ZZEF1: variants seen among roughly 807,000 people sequenced by gnomAD.
ZZEF1 encodes the protein zinc finger ZZ-type and EF-hand domain containing 1.
ZZEF1 carries 157 observed loss-of-function variants against 342.8 expected under a neutral mutation model. The ratio of observed to expected loss-of-function variants is 0.46; its 90% CI spans 0.40 to 0.52. The LOEUF is 0.52. Among genes scored for constraint, ZZEF1 ranks in the 20% least tolerant of loss-of-function variants. The pLI is 0.00. For synonymous variants in ZZEF1, 1,505 were observed against 1,429.1 expected (o/e 1.05, Z -1.20); for missense variants, 3,480 against 3,725.6 (o/e 0.93, Z 1.72).
intron 1 of ZZEF1, among the ~76,000 whole-genome samples, chr17:4,132,821 C>G (rs1033294919): frequency 6.6e-6 from 1 of 150,824 alleles, no homozygotes; most frequent in Non-Finnish European, 1.5e-5. Context: ...AAAAAATTAG[C>G]CGGGTGTGGT....
chr17:4,104,954 C>A (rs192794027), intron 7 of ZZEF1, 143 bp from the exon 8 acceptor site: 15 of 688,912 alleles, frequency 2.2e-5, no homozygotes, highest in East Asian at 1.1e-4. Flanking sequence ...TTTTCAAAAT[C>A]CTTAAGGTAA....
rs12939226 is a variant in ZZEF1 at position 4,090,129 on chromosome 17, G to C, written c.2025+590C>G. Among the ~76,000 whole-genome samples the C allele has an allele frequency of 0.034, 44 of 1,312 alleles. 19 individuals carry two copies. In the Non-Finnish European group the frequency reaches 0.68, roughly 20 times the overall value. 0.9% of individuals were successfully genotyped at this position (1,312 alleles called of 152,430 possible). A position where few individuals can be genotyped will look rare whatever the true frequency, so the allele number is the denominator to read the frequency against. On this transcript the variant is annotated intron_variant, in intron 12 of 54. Coordinates refer to ENST00000381638, the MANE Select transcript of ZZEF1 (RefSeq NM_015113.4). ...AGGATGCTGTGTTCTCAACTATTCT[G>C]TCAGCCTGAGACGCCCTCCTCCACA...
intron 9 of ZZEF1, among the ~76,000 whole-genome samples, chr17:4,098,710 T>G (rs372887557): frequency 6.6e-6 from 1 of 152,178 alleles, no homozygotes; most frequent in African/African-American, 2.4e-5. Context: ...TTTCATTACA[T>G]GGAGTTCAAG....
rs969121716 is a variant in ZZEF1 at position 4,005,926 on chromosome 17, G to C, written c.*964C>G. ...GAAAAATGTAAAACAGCACTGACTAGAACTAATGTCGTTATTGCTACAAGT... is the reference window on the plus strand; with the variant it reads ...GAAAAATGTAAAACAGCACTGACTACAACTAATGTCGTTATTGCTACAAGT... On this transcript the variant is annotated 3_prime_UTR_variant, in exon 55 of 55. Coordinates refer to ENST00000381638, the MANE Select transcript of ZZEF1 (RefSeq NM_015113.4). 2.0e-5 allele frequency: 3 copies of C among 152,200 alleles called. No homozygotes were observed. Among genetic ancestry groups the C allele is most frequent in the African/African-American group, 7.2e-5 (3 of 41,420 alleles). The allele number at this position is 152,200 out of a possible 1,614,324, so 9.4% of individuals were successfully genotyped here.
rs751267511 is a variant in ZZEF1 at position 4,114,476 on chromosome 17, G to T, written c.695-6C>A. 5 of 1,504,196 alleles carry T rather than the reference G, an allele frequency of 3.3e-6. No homozygotes were observed. Among genetic ancestry groups the T allele is most frequent in the Admixed American group, 2.2e-5 (1 of 44,808 alleles). The allele number at this position is 1,504,196 out of a possible 1,614,324, so 93.2% of individuals were successfully genotyped here. Reference sequence around the variant, plus strand: ...AGTTAGATCTCCAGGGCTTTCTGTAGGGGAAACCAGAGTTGATTATATGAC... The same window carrying T: ...AGTTAGATCTCCAGGGCTTTCTGTATGGGAAACCAGAGTTGATTATATGAC... On this transcript the variant is annotated splice_region_variant and splice_polypyrimidine_tract_variant and intron_variant, in intron 3 of 54. Transcript: ENST00000381638.
chr17:4,011,262 G>A (rs1166287033), intron 52 of ZZEF1, among the ~76,000 whole-genome samples: 3 of 152,154 alleles, frequency 2.0e-5, no homozygotes, highest in Non-Finnish European at 2.9e-5. Flanking sequence ...AATTAGCTGG[G>A]TGTGGTGGCG....
chr17:4,039,119 G>A (rs974023111), intron 39 of ZZEF1, among the ~76,000 whole-genome samples: 2 of 152,074 alleles, frequency 1.3e-5, no homozygotes, highest in African/African-American at 4.8e-5. Flanking sequence ...CTCAGAACAA[G>A]AGATAAACAT....
At chr17:4,135,087 C>A (rs1258905454) in intron 1 of ZZEF1, among the ~76,000 whole-genome samples, 1 of 152,146 alleles carries the variant, frequency 6.6e-6, no homozygotes, top group African/African-American at 2.4e-5. Context: ...GTAAGGGCAC[C>A]ATGGGGCCAC....
Position 4,044,306 on chromosome 17 carries a change from AC to A in ZZEF1, c.6083del (p.Gly2028ValfsTer41). ...DFKQRNKADKGVSLSKDPSCQ... is the reference protein window; with the variant it reads ...DFKQRNKADKXVSLSKDPSCQ... ...ATGAAGGATCCTTCGATAATGATAC[AC>A]CTTTATCTGCCTTATTTCTCTGCTT... On this transcript the variant is annotated frameshift_variant, in exon 38 of 55. Coordinates refer to ENST00000381638, the MANE Select transcript of ZZEF1 (RefSeq NM_015113.4). LOFTEE classifies it high-confidence loss of function. 1 of 1,614,034 alleles carries A rather than the reference AC, an allele frequency of 6.2e-7. No individual in the cohort carries two copies. The highest frequency in any genetic ancestry group is 8.5e-7 in the Non-Finnish European group (1 of 1,179,994).
At chr17:4,085,592 A>G (rs888032152) in intron 16 of ZZEF1, 78 bp downstream of exon 16, 1 of 1,575,162 alleles carries the variant, frequency 6.3e-7, no homozygotes, top group South Asian at 1.2e-5. Context: ...CAGACGATAT[A>G]TTCAGAGGTA....
rs2057346936 is a variant in ZZEF1, at chr17:4,064,346, TAAC to T, written c.4718+12_4718+14del. On this transcript the variant is annotated intron_variant, in intron 29 of 54. Transcript: ENST00000381638. Reference sequence around the variant, plus strand: ...TTAAAAAGAGAAAGCGACAGGAAGGTAACAACGGGCTTACCTCCTGTGCGAGAG... The same window carrying T: ...TTAAAAAGAGAAAGCGACAGGAAGGTAACGGGCTTACCTCCTGTGCGAGAG... The T allele has an allele frequency of 1.3e-6, 2 of 1,552,170 alleles. No homozygotes were observed. Among genetic ancestry groups the T allele is most frequent in the Non-Finnish European group, 1.7e-6 (2 of 1,144,904 alleles).
chr17:4,073,632 A>T (rs2145287106), intron 24 of ZZEF1, among the ~76,000 whole-genome samples: 1 of 152,166 alleles, frequency 6.6e-6, no homozygotes, highest in South Asian at 2.1e-4. Context: ...AAAGATAGGG[A>T]TCTCACTATG....
rs927858310 is a variant in ZZEF1, at chr17:4,008,842, C to T, written c.8805+41G>A. On this transcript the variant is annotated intron_variant, in intron 54 of 54. Transcript: ENST00000381638. This position sits in a 1 kb window ranked among gnomAD's most constrained non-coding sequence, Gnocchi z 4.2. ...CCCTGGCAATGGTGAGATGGTGGCG[C>T]CCCAGCCTGGGGGCCAGCTCTGTTG... 1.0e-5 allele frequency: 16 copies of T among 1,541,118 alleles called. No homozygotes were observed. The highest frequency in any genetic ancestry group is 9.6e-6 in the Non-Finnish European group (11 of 1,146,122).
intron 7 of ZZEF1, 121 bp downstream of exon 7, chr17:4,105,572 C>T (rs777554056): frequency 2.5e-6 from 2 of 814,078 alleles, no homozygotes; most frequent in African/African-American, 1.8e-5. Context: ...TCTTTAGCTG[C>T]TAAAAAGCAA....
Position 4,054,163 on chromosome 17 carries a change from C to T in ZZEF1, c.5328G>A (p.Leu1776=), listed in dbSNP as rs146008099. 4.4e-5 allele frequency: 71 copies of T among 1,613,960 alleles called. No individual in the cohort carries two copies. In the African/African-American group the frequency reaches 7.3e-4, roughly 17 times the overall value. ...CATCACAAGAGATGTCCACATTTAA[C>T]AGGTCACAGTAGCGAGCAATGAACA... is the stretch of plus-strand genomic sequence containing the variant. ...MHMFIARYCD[L]LNVDISCDGC... Residue 1776 remains leucine, a synonymous_variant, in exon 34 of 55, where the codon CTG becomes CTA. Transcript: ENST00000381638.
intron 52 of ZZEF1, among the ~76,000 whole-genome samples, chr17:4,011,898 C>G (rs1007921387): frequency 1.3e-5 from 2 of 152,218 alleles, no homozygotes; most frequent in Non-Finnish European, 2.9e-5. Flanking sequence ...GAGAAGGTCC[C>G]TCCCCTGAGG....
rs368111454 is a variant in ZZEF1 at position 4,075,255 on chromosome 17, A to C, written c.3401+8T>G. The C allele has an allele frequency of 1.2e-6, 2 of 1,613,924 alleles. No homozygotes were observed. Among genetic ancestry groups the C allele is most frequent in the Non-Finnish European group, 1.7e-6 (2 of 1,179,938 alleles). ...GCGCTTGGGGGTGAAAGAATATAGA[A>C]GTCTTACCTTTTTTCAGTTTCACAC... is the stretch of plus-strand genomic sequence containing the variant. On this transcript the variant is annotated splice_region_variant and intron_variant, in intron 22 of 54. Transcript: ENST00000381638.
In ZZEF1 at chr17:4,112,703, A is replaced by G. The variant is rs58625333; in HGVS notation, c.972T>C (p.Asn324=). ...PQQVTVAVGR[N]ASDLQEVRDV... ...CTCGGACTTCCTGAAGATCGCTGGC[A>G]TTCCTCCCTACAGCTACTGTCACCT... The change falls in exon 5 of 55, where the codon AAT becomes AAC. Residue 324 remains asparagine (N), a synonymous_variant. Coordinates refer to ENST00000381638, the MANE Select transcript of ZZEF1 (RefSeq NM_015113.4). 407,977 of 1,613,920 alleles carry G rather than the reference A, an allele frequency of 0.25. 52,722 individuals carry two copies. The highest frequency in any genetic ancestry group is 0.31 in the Admixed American group (18,534 of 60,004).
intron 43 of ZZEF1, among the ~76,000 whole-genome samples, chr17:4,023,909 T>C (rs1336480080): frequency 6.6e-6 from 1 of 152,036 alleles, no homozygotes; most frequent in Non-Finnish European, 1.5e-5. Flanking sequence ...TGGTCTCAAT[T>C]CTACAACTAC....
Sources: allele counts gnomAD v4.1 joint callset (sites outside exome capture counted in the v4.1 genomes callset), GRCh38; gene constraint gnomAD v4.1.1; non-coding constraint Gnocchi (gnomAD v3.1); transcripts MANE v1.5; gene names NCBI Gene and HGNC (gene_info 2026-07-23, HGNC 2026-07-21).